The following XRCC4 variants were observed in gnomAD, a reference collection of about 807,000 sequenced individuals.
The protein encoded by XRCC4 is DNA repair protein XRCC4.
In XRCC4, 28 loss-of-function variants were observed where a neutral mutation model predicts 39.1. The observed-to-expected ratio is 0.72, with a 90% CI of 0.53 to 0.98. XRCC4 has a LOEUF of 0.98. XRCC4 is among the 50% of genes least tolerant of loss of function. The pLI, the probability that XRCC4 is intolerant of heterozygous loss-of-function variation, is 0.00. For missense variants in XRCC4, 350 were observed against 376.4 expected (o/e 0.93, Z 0.58); for synonymous variants, 123 against 126.4 (o/e 0.97, Z 0.18).
chr5:83,357,624 C>T (rs1351405177), downstream of XRCC4, among the ~76,000 whole-genome samples: 1 of 152,096 alleles, frequency 6.6e-6, no homozygotes, highest in African/African-American at 2.4e-5. Flanking sequence ...GCAATGTTGG[C>T]CAAAGGTATT....
the XRCC4 span, among the ~76,000 whole-genome samples, chr5:83,363,223 TTTTC>T: frequency 0.032 from 4,861 of 151,982 alleles, 141 homozygotes; most frequent in East Asian, 0.12. Context: ...AGACCCAGGG[TTTTC>T]CAGGAGGCTT....
rs1193313740 is a variant in XRCC4, at chr5:83,353,435, G to GCA, written c.*196_*197dup. On this transcript the variant is annotated 3_prime_UTR_variant, in exon 8 of 8. Coordinates refer to ENST00000396027, the MANE Select transcript of XRCC4 (RefSeq NM_003401.5). ...AAGATACGATTTGATGATGACACTG[G>GCA]CACATTATTCTAAACTATTCATTCA... 2.3e-6 allele frequency: 1 copy of GCA among 439,728 alleles called. No individual in the cohort carries two copies. The highest frequency in any genetic ancestry group is 4.1e-5 in the Admixed American group (1 of 24,266). The allele number at this position is 439,728 out of a possible 1,614,324, so 27.2% of individuals were successfully genotyped here. A position where few individuals can be genotyped will look rare whatever the true frequency, so the allele number is the denominator to read the frequency against.
intron 3 of XRCC4, among the ~76,000 whole-genome samples, chr5:83,150,349 T>G (rs957838137): frequency 6.6e-6 from 1 of 152,176 alleles, no homozygotes; most frequent in African/African-American, 2.4e-5. Flanking sequence ...ATTCCTTTTT[T>G]GGGGGAAGCT....
intron 6 of XRCC4, among the ~76,000 whole-genome samples, chr5:83,228,965 T>C (rs1473635577): frequency 6.6e-6 from 1 of 152,094 alleles, no homozygotes; most frequent in African/African-American, 2.4e-5. Flanking sequence ...ATATTGGCAC[T>C]ATCATGTGTT....
chr5:83,092,091 T>G (rs368037825), intron 1 of XRCC4, among the ~76,000 whole-genome samples: 211 of 152,332 alleles, frequency 1.4e-3, no homozygotes, highest in African/African-American at 4.9e-3. Context: ...TTTTAATTTC[T>G]ATCTCCCTAA....
At chr5:83,215,004 A>G (rs912444357) in intron 6 of XRCC4, among the ~76,000 whole-genome samples, 3 of 152,124 alleles carry the variant, frequency 2.0e-5, no homozygotes, top group Admixed American at 6.6e-5. Context: ...AGAAGACTTA[A>G]GTAAATGGGA....
intron 3 of XRCC4, among the ~76,000 whole-genome samples, chr5:83,149,689 C>A (rs1465407578): frequency 6.6e-6 from 1 of 152,102 alleles, no homozygotes; most frequent in Non-Finnish European, 1.5e-5. Flanking sequence ...AATATGCTAA[C>A]CTGCTAAGCT....
chr5:83,368,646 A>T, the XRCC4 span, among the ~76,000 whole-genome samples: 1 of 152,330 alleles, frequency 6.6e-6, no homozygotes, highest in African/African-American at 2.4e-5. Flanking sequence ...TCTGCTTACA[A>T]AAACTGTGGG....
rs1265656338 is a variant in XRCC4 at position 83,158,756 on chromosome 5, C to T, written c.316-37014C>T. Reference sequence around the variant, plus strand: ...TGTTGCCCAGTTTTACTGTAAGAAACTGCTTTTTTCTCTTTAGTTATGAAA... The same window carrying T: ...TGTTGCCCAGTTTTACTGTAAGAAATTGCTTTTTTCTCTTTAGTTATGAAA... On this transcript the variant is annotated intron_variant, in intron 3 of 7. Coordinates refer to ENST00000396027, the MANE Select transcript of XRCC4 (RefSeq NM_003401.5). Among the ~76,000 whole-genome samples, 54 of 152,068 alleles carry T rather than the reference C, an allele frequency of 3.6e-4. 1 individual carries two copies. Among genetic ancestry groups the T allele is most frequent in the Admixed American group, 3.5e-3 (54 of 15,252 alleles).
At chr5:83,233,808 A>G (rs1210734396) in intron 6 of XRCC4, among the ~76,000 whole-genome samples, 1 of 151,166 alleles carries the variant, frequency 6.6e-6, no homozygotes, top group Non-Finnish European at 1.5e-5. Flanking sequence ...AGGCTGAGGC[A>G]GAAGAATCGC....
At chr5:83,295,726 G>A (rs1202260351) in intron 7 of XRCC4, among the ~76,000 whole-genome samples, 2 of 151,882 alleles carry the variant, frequency 1.3e-5, no homozygotes, top group Non-Finnish European at 2.9e-5. Context: ...GCACGCACAC[G>A]CACACGCACA....
the XRCC4 span, among the ~76,000 whole-genome samples, chr5:83,367,752 C>A: frequency 4.6e-5 from 7 of 151,354 alleles, no homozygotes; most frequent in Non-Finnish European, 8.8e-5. Flanking sequence ...CCATACCCAG[C>A]TAATTTTTTT....
At chr5:83,092,961 A>G (rs1580205672) in intron 1 of XRCC4, among the ~76,000 whole-genome samples, 1 of 152,002 alleles carries the variant, frequency 6.6e-6, no homozygotes, top group Non-Finnish European at 1.5e-5. Flanking sequence ...CAACAATTAT[A>G]TTGAGTGTAA....
intron 6 of XRCC4, among the ~76,000 whole-genome samples, chr5:83,240,526 GGT>G (rs1459779121): frequency 1.2e-4 from 19 of 152,122 alleles, no homozygotes; most frequent in Admixed American, 1.2e-3. Flanking sequence ...CTGACTTTTA[GGT>G]TTCTAGCTTA....
At position 83,176,945 on chromosome 5, in the gene XRCC4, T is replaced by G. The variant is rs1385380272; in HGVS notation, c.316-18825T>G. Among the ~76,000 whole-genome samples, 3 of 152,174 alleles carry G rather than the reference T, an allele frequency of 2.0e-5. No homozygotes were observed. The East Asian group carries it at 5.8e-4, about 29-fold the overall frequency. On this transcript the variant is annotated intron_variant, in intron 3 of 7. Coordinates refer to ENST00000396027, the MANE Select transcript of XRCC4 (RefSeq NM_003401.5). ...CTGGGAAATGATTCTTGGTACCAGTTAATGAAGTTGCATCATAATCTATTT... is the reference window on the plus strand; with the variant it reads ...CTGGGAAATGATTCTTGGTACCAGTGAATGAAGTTGCATCATAATCTATTT...
chr5:83,084,790 A>C (rs1745106936), intron 1 of XRCC4, among the ~76,000 whole-genome samples: 1 of 152,138 alleles, frequency 6.6e-6, no homozygotes, highest in Non-Finnish European at 1.5e-5. Context: ...TAGACTTCCC[A>C]ACTACTCTTT....
intron 1 of XRCC4, among the ~76,000 whole-genome samples, chr5:83,099,801 C>T (rs1207012349): frequency 6.6e-6 from 1 of 152,170 alleles, no homozygotes; most frequent in Non-Finnish European, 1.5e-5. Flanking sequence ...TAGCCCTAAT[C>T]AATCAGTCCC....
chr5:83,112,594 A>G (rs1007710114), intron 3 of XRCC4, among the ~76,000 whole-genome samples: 8 of 152,206 alleles, frequency 5.3e-5, no homozygotes, highest in African/African-American at 1.9e-4. Flanking sequence ...CACTGCTAAT[A>G]AAGACATACC....
At chr5:83,250,946 G>T (rs970481103) in intron 6 of XRCC4, among the ~76,000 whole-genome samples, 2 of 152,180 alleles carry the variant, frequency 1.3e-5, no homozygotes, top group Non-Finnish European at 2.9e-5. Context: ...TATTAAATTA[G>T]TTCCTTTTTA....
Sources: gnomAD v4.1 joint callset for allele counts (sites outside exome capture counted in the v4.1 genomes callset) on GRCh38, gnomAD v4.1.1 for gene constraint, MANE v1.5 for transcripts, NCBI Gene and HGNC (gene_info 2026-07-23, HGNC 2026-07-21) for gene names.